Variants in ETS1 observed in about 807,000 individuals in gnomAD.
ETS1 encodes ETS proto-oncogene 1, transcription factor, also known as protein C-ets-1.
In ETS1, 15 loss-of-function variants were observed where a neutral mutation model predicts 58.6. That is an observed-to-expected ratio of 0.26 (90% CI 0.17 to 0.39). ETS1 has a LOEUF of 0.39. ETS1 is among the 10% of genes least tolerant of loss of function. The pLI, the probability that ETS1 is intolerant of heterozygous loss-of-function variation, is 1.00. For synonymous variants in ETS1, 214 were observed against 218.2 expected, an observed-to-expected ratio of 0.98 and a Z score of 0.17; for missense variants, 417 against 610.5, an observed-to-expected ratio of 0.68 and a Z score of 3.34.
chr11:128,516,571 C>G (rs1863530067), intron 3 of ETS1, among the ~76,000 whole-genome samples: 1 of 152,146 alleles, frequency 6.6e-6, no homozygotes, highest in Non-Finnish European at 1.5e-5. Context: ...GAAACCAATG[C>G]CTTAACCTTA....
chr11:128,567,611 G>GTTTTGT (rs5795622), intron 2 of ETS1, among the ~76,000 whole-genome samples: 6,597 of 147,574 alleles, frequency 0.045, 221 homozygotes, highest in African/African-American at 0.085. Context: ...TGTTTTTTGG[G>GTTTTGT]TTTTGTTTTT....
At chr11:128,477,397 C>T (rs989950448) in intron 8 of ETS1, among the ~76,000 whole-genome samples, 2 of 152,170 alleles carry the variant, frequency 1.3e-5, no homozygotes, top group Non-Finnish European at 2.9e-5. Flanking sequence ...TTGCAAATTT[C>T]AGCTCATCTT....
At chr11:128,468,000 C>G (rs1023359001) in intron 8 of ETS1, among the ~76,000 whole-genome samples, 1 of 152,182 alleles carries the variant, frequency 6.6e-6, no homozygotes, top group African/African-American at 2.4e-5. Flanking sequence ...CCTTCTACTG[C>G]TTTGTTCTTC....
intron 3 of ETS1, among the ~76,000 whole-genome samples, chr11:128,507,622 T>C (rs571553423): frequency 1.3e-5 from 2 of 152,282 alleles, no homozygotes; most frequent in South Asian, 4.1e-4. Flanking sequence ...CCTGCAGACA[T>C]CTTCCTTAGG....
intron 1 of ETS1, among the ~76,000 whole-genome samples, chr11:128,582,234 T>C (rs1864889238): frequency 6.6e-6 from 1 of 152,192 alleles, no homozygotes; most frequent in African/African-American, 2.4e-5. Flanking sequence ...TGGGTGAACG[T>C]AGAACTGCTT....
intron 3 of ETS1, among the ~76,000 whole-genome samples, chr11:128,546,801 C>A (rs558144472): frequency 6.6e-6 from 1 of 152,254 alleles, no homozygotes; most frequent in Admixed American, 6.5e-5. Context: ...ACTATTTCTA[C>A]ATCTTTTCTT....
At chr11:128,471,686 G>T (rs958415937) in intron 8 of ETS1, among the ~76,000 whole-genome samples, 3 of 152,270 alleles carry the variant, frequency 2.0e-5, no homozygotes, top group Non-Finnish European at 2.9e-5. Context: ...AAGGGGATAA[G>T]AATTTTGTTA....
At chr11:128,532,133 C>A (rs150992958) in intron 3 of ETS1, among the ~76,000 whole-genome samples, 34 of 152,282 alleles carry the variant, frequency 2.2e-4, no homozygotes, top group African/African-American at 5.8e-4. Context: ...CTAATTGTGC[C>A]ATACACATAC....
chr11:128,568,909 C>T (rs74504017), intron 2 of ETS1, among the ~76,000 whole-genome samples: 2,021 of 152,326 alleles, frequency 0.013, 47 homozygotes, highest in African/African-American at 0.046. Context: ...AAGAGCCCCT[C>T]GGAGCAGGAA....
At chr11:128,528,012 C>T (rs1863832084) in intron 3 of ETS1, among the ~76,000 whole-genome samples, 1 of 151,956 alleles carries the variant, frequency 6.6e-6, no homozygotes. Flanking sequence ...GGAGAAATAG[C>T]CCTGAAAGGA....
intron 5 of ETS1, among the ~76,000 whole-genome samples, chr11:128,488,398 C>A (rs1207761602): frequency 6.6e-6 from 1 of 151,946 alleles, no homozygotes; most frequent in African/African-American, 2.4e-5. Flanking sequence ...ATATTCTTAA[C>A]CAAAGGAAGG....
At chr11:128,538,432 C>T (rs1192856974) in intron 3 of ETS1, among the ~76,000 whole-genome samples, 1 of 152,028 alleles carries the variant, frequency 6.6e-6, no homozygotes. Context: ...GTTGCTTTTC[C>T]TGGTTACTAT....
intron 8 of ETS1, among the ~76,000 whole-genome samples, chr11:128,469,697 A>T (rs1388198405): frequency 2.0e-5 from 3 of 152,204 alleles, no homozygotes; most frequent in African/African-American, 7.2e-5. Context: ...AGGATGAATA[A>T]CTCAAGAAAC....
chr11:128,529,837 A>G (rs1366250087), intron 3 of ETS1, among the ~76,000 whole-genome samples: 3 of 152,204 alleles, frequency 2.0e-5, no homozygotes, highest in African/African-American at 7.2e-5. Context: ...TAGTGTCATA[A>G]TGAATTAATA....
At chr11:128,565,054 A>AAATAAATAAAT (rs1864468914) in intron 2 of ETS1, among the ~76,000 whole-genome samples, 1 of 150,850 alleles carries the variant, frequency 6.6e-6, no homozygotes, top group South Asian at 2.1e-4. Flanking sequence ...ATAAATAAAT[A>AAATAAATAAAT]AATAAAATAA....
chr11:128,505,401 G>C (rs1323165593), intron 3 of ETS1: 1 of 152,236 alleles, frequency 6.6e-6, no homozygotes, highest in Non-Finnish European at 1.5e-5. Context: ...AGTTGTGAAG[G>C]CAAATGCAGT....
chr11:128,480,107 G>A, intron 8 of ETS1, 84 bp downstream of exon 8: 4 of 1,556,276 alleles, frequency 2.6e-6, no homozygotes, highest in East Asian at 2.3e-5. Context: ...CGTCGTCTCT[G>A]GTCAGAGGTG....
chr11:128,515,276 G>A lies in ETS1; in HGVS notation c.215-24700C>T, dbSNP rs576936742. ...GTCACACACACACACACACACACGC[G>A]CGCGTGCACACTACATGCAGAGTTT... On this transcript the variant is annotated intron_variant, in intron 3 of 9. Transcript: ENST00000392668. Among the ~76,000 whole-genome samples, 757 of 148,060 alleles carry A rather than the reference G, an allele frequency of 5.1e-3. 6 individuals are homozygous for A. Among genetic ancestry groups the A allele is most frequent in the South Asian group, 0.039 (179 of 4,570 alleles).
At chr11:128,567,139 T>C (rs949048271) in intron 2 of ETS1, among the ~76,000 whole-genome samples, 11 of 152,348 alleles carry the variant, frequency 7.2e-5, no homozygotes, top group Non-Finnish European at 1.5e-4. Flanking sequence ...TTTTCTGCAA[T>C]GCACTTAGCT....
Sources: allele counts gnomAD v4.1 joint callset (sites outside exome capture counted in the v4.1 genomes callset), GRCh38; gene constraint gnomAD v4.1.1; transcripts MANE v1.5; gene names NCBI Gene and HGNC (gene_info 2026-07-23, HGNC 2026-07-21).